Variants in FHAD1 observed in about 807,000 individuals in gnomAD.
FHAD1 encodes forkhead associated phosphopeptide binding domain 1.
A neutral mutation model predicts 191.3 loss-of-function variants in FHAD1; 146 were observed. The ratio of observed to expected loss-of-function variants is 0.76; its 90% CI spans 0.67 to 0.88. FHAD1 has a LOEUF of 0.88. Ranked by LOEUF, FHAD1 falls within the 40% of genes least tolerant of loss-of-function variation. The pLI is 0.00. For synonymous variants in FHAD1, 616 were observed against 672.3 expected, an observed-to-expected ratio of 0.92 and a Z score of 1.29; for missense variants, 1,635 against 1,785.8, an observed-to-expected ratio of 0.92 and a Z score of 1.52.
At chr1:15,350,580 GTGGGCTAAAGGGTTCATTC>G (rs554411593) in intron 19 of FHAD1, among the ~76,000 whole-genome samples, 73 of 152,322 alleles carry the variant, frequency 4.8e-4, no homozygotes, top group African/African-American at 1.7e-3. Flanking sequence ...ACAGAGCTTG[GTGGGCTAAAGGGTTCATTC>G]TGGGCTCAAA....
Position 15,266,434 on chromosome 1 carries a change from G to A in FHAD1, c.94-5889G>A, listed in dbSNP as rs897558987. ...CTTTTTTTTTTTTTTAGCAGTTTTA[G>A]GTTCACAGAAAGTTGAACAGATAGT... On this transcript the variant is annotated intron_variant, in intron 2 of 33. Coordinates refer to ENST00000688493, the MANE Select transcript of FHAD1 (RefSeq NM_001391957.1). Among the ~76,000 whole-genome samples, 3 of 150,546 alleles carry A rather than the reference G, an allele frequency of 2.0e-5. No homozygotes were observed. The South Asian group carries it at 6.3e-4, about 32-fold the overall frequency.
intron 10 of FHAD1, among the ~76,000 whole-genome samples, chr1:15,321,405 A>G (rs1373123007): frequency 1.3e-5 from 2 of 152,184 alleles, no homozygotes; most frequent in Non-Finnish European, 2.9e-5. Flanking sequence ...AAATTTTACA[A>G]TATGCATTTT....
chr1:15,309,282 GATTC>G lies in FHAD1; in HGVS notation c.1039+568_1039+571del, dbSNP rs537939587. The stretch of plus-strand genomic sequence containing the variant: ...CCAGGCACAGCTGTTTCTTAGCCTG[GATTC>G]ATTCATTCATTCATTCATTCAGCAC... On this transcript the variant is annotated intron_variant, in intron 7 of 33. Coordinates refer to ENST00000688493, the MANE Select transcript of FHAD1 (RefSeq NM_001391957.1). Among the ~76,000 whole-genome samples the G allele has an allele frequency of 9.2e-5, 14 of 152,276 alleles. No homozygotes were observed. In the South Asian group the frequency reaches 2.7e-3, roughly 29 times the overall value.
intron 24 of FHAD1, among the ~76,000 whole-genome samples, chr1:15,366,250 A>G (rs1357955159): frequency 7.3e-6 from 1 of 137,778 alleles, no homozygotes; most frequent in African/African-American, 2.8e-5. Flanking sequence ...GCGCCACTGC[A>G]CTCCAGCCTG....
At chr1:15,328,720 G>A (rs1176186563) in intron 13 of FHAD1, 2 of 263,986 alleles carry the variant, frequency 7.6e-6, no homozygotes, top group Non-Finnish European at 1.4e-5. Flanking sequence ...TAGCCCCTAT[G>A]TTATTTCCAG....
At chr1:15,395,546 C>A (rs1705655679) in intron 33 of FHAD1, among the ~76,000 whole-genome samples, 1 of 152,130 alleles carries the variant, frequency 6.6e-6, no homozygotes, top group Non-Finnish European at 1.5e-5. Context: ...ACCCCGACTC[C>A]TAGGAGTGGG....
At chr1:15,322,081 A>G (rs1450914110) in intron 10 of FHAD1, among the ~76,000 whole-genome samples, 1 of 152,114 alleles carries the variant, frequency 6.6e-6, no homozygotes, top group Admixed American at 6.5e-5. Flanking sequence ...TTTGATTTAC[A>G]GCAGTTTTAT....
In FHAD1 at chr1:15,337,055, G is replaced by C. The variant is rs1684461615; in HGVS notation, c.1907-2426G>C. Among the ~76,000 whole-genome samples the C allele has an allele frequency of 2.6e-5, 4 of 152,246 alleles. No individual in the cohort carries two copies. In the South Asian group the frequency reaches 8.3e-4, roughly 31 times the overall value. ...TTTCCACACGGACGCCTCTGCAGGA[G>C]GGGCTGCCAGGAAAGTGGTGCAGGG... On this transcript the variant is annotated intron_variant, in intron 14 of 33. Coordinates refer to ENST00000688493, the MANE Select transcript of FHAD1 (RefSeq NM_001391957.1).
chr1:15,360,456 T>A, intron 21 of FHAD1, 22 bp from the exon 22 acceptor site: 1 of 1,547,114 alleles, frequency 6.5e-7, no homozygotes, highest in Non-Finnish European at 8.7e-7. Flanking sequence ...AAGACCTCAC[T>A]GAGTGACTCT....
chr1:15,328,432 G>A lies in FHAD1; in HGVS notation c.1710+3G>A, dbSNP rs1187235498. On this transcript the variant is annotated splice_donor_region_variant and intron_variant, in intron 13 of 33. Transcript: ENST00000688493. ...GGACGTCGCTGGACAGCTGCCAGGTGGCCCCTCCTTACGCTTTCCACAAAT... is the reference window on the plus strand; with the variant it reads ...GGACGTCGCTGGACAGCTGCCAGGTAGCCCCTCCTTACGCTTTCCACAAAT... The A allele has an allele frequency of 1.0e-5, 15 of 1,507,492 alleles. No individual in the cohort carries two copies. The highest frequency in any genetic ancestry group is 1.2e-5 in the Non-Finnish European group (14 of 1,128,166). The allele number at this position is 1,507,492 out of a possible 1,614,324, so 93.4% of individuals were successfully genotyped here. A position where few individuals can be genotyped will look rare whatever the true frequency, so the allele number is the denominator to read the frequency against.
chr1:15,244,093 G>C (rs985662868), upstream of FHAD1, among the ~76,000 whole-genome samples: 8 of 151,576 alleles, frequency 5.3e-5, no homozygotes, highest in African/African-American at 1.9e-4. This position sits in a 1 kb window ranked among gnomAD's most constrained non-coding sequence, Gnocchi z 5.1. Context: ...CCGCATCACT[G>C]TTTAATTGCA....
At chr1:15,284,622 G>A (rs10803376) in intron 3 of FHAD1, among the ~76,000 whole-genome samples, 47,159 of 151,958 alleles carry the variant, frequency 0.31, 7,974 homozygotes, top group East Asian at 0.62. Context: ...AACTCCCTTG[G>A]CGTTTTAGGG....
chr1:15,316,844 T>G lies in FHAD1; in HGVS notation c.1260+377T>G, dbSNP rs1179270341. Among the ~76,000 whole-genome samples, 1 of 152,222 alleles carries G rather than the reference T, an allele frequency of 6.6e-6. No individual in the cohort carries two copies. Among genetic ancestry groups the G allele is most frequent in the Non-Finnish European group, 1.5e-5 (1 of 68,030 alleles). On this transcript the variant is annotated intron_variant, in intron 9 of 33. Coordinates refer to ENST00000688493, the MANE Select transcript of FHAD1 (RefSeq NM_001391957.1). This position sits in a 1 kb window ranked among gnomAD's most constrained non-coding sequence, Gnocchi z 4.3. Reference sequence around the variant, plus strand: ...TTTATCCTAGCCACAGGCACCATTGTTGACACTTCCTGAAGTATTTTTATT... The same window carrying G: ...TTTATCCTAGCCACAGGCACCATTGGTGACACTTCCTGAAGTATTTTTATT...
chr1:15,298,311 A>G (rs370052619), intron 5 of FHAD1, among the ~76,000 whole-genome samples: 11 of 152,356 alleles, frequency 7.2e-5, no homozygotes, highest in African/African-American at 2.6e-4. Context: ...TCTCACTGAT[A>G]TGTGGGAGCT....
intron 7 of FHAD1, among the ~76,000 whole-genome samples, chr1:15,309,424 G>A (rs766975850): frequency 1.3e-5 from 2 of 152,162 alleles, no homozygotes; most frequent in Non-Finnish European, 2.9e-5. Flanking sequence ...ACTTGGGAGA[G>A]GATGACAGAC....
At chr1:15,365,201 C>G (rs548951867) in intron 23 of FHAD1, among the ~76,000 whole-genome samples, 1 of 152,356 alleles carries the variant, frequency 6.6e-6, no homozygotes, top group South Asian at 2.1e-4. Context: ...CATGTCCCTC[C>G]ACCATCAGAA....
chr1:15,264,164 A>G (rs1457524362), intron 2 of FHAD1, among the ~76,000 whole-genome samples: 1 of 152,140 alleles, frequency 6.6e-6, no homozygotes, highest in East Asian at 1.9e-4. Flanking sequence ...TATTTCTGGG[A>G]AAAAAGAACA....
chr1:15,384,026 C>A (rs1035320941), intron 31 of FHAD1: 1 of 253,480 alleles, frequency 3.9e-6, no homozygotes, highest in Non-Finnish European at 8.3e-6. Context: ...ACATGTGTAC[C>A]ATGTGCATGA....
chr1:15,375,997 A>G (rs1699464191), intron 28 of FHAD1, among the ~76,000 whole-genome samples: 1 of 151,370 alleles, frequency 6.6e-6, no homozygotes, highest in Non-Finnish European at 1.5e-5. Context: ...CCCTTTCCAG[A>G]TCATGTATGA....
Sources: gnomAD v4.1 joint callset for allele counts (sites outside exome capture counted in the v4.1 genomes callset) on GRCh38, gnomAD v4.1.1 for gene constraint, Gnocchi (gnomAD v3.1) non-coding constraint, MANE v1.5 for transcripts, NCBI Gene and HGNC (gene_info 2026-07-23, HGNC 2026-07-21) for gene names.